The following PTPRJ variants were observed in gnomAD, a reference collection of about 807,000 sequenced individuals.
PTPRJ encodes the protein protein tyrosine phosphatase receptor type J.
In PTPRJ, 129 loss-of-function variants were observed where a neutral mutation model predicts 141.3. The ratio of observed to expected loss-of-function variants is 0.91; its 90% CI spans 0.79 to 1.06. The LOEUF (loss-of-function observed/expected upper bound fraction) is 1.06, where lower values mean the gene tolerates loss of function less well. PTPRJ is among the 50% of genes least tolerant of loss of function. PTPRJ has a pLI of 0.00. For missense variants in PTPRJ, 1,601 were observed against 1,679.7 expected (o/e 0.95, Z 0.82); for synonymous variants, 610 against 640.5 (o/e 0.95, Z 0.72).
chr11:48,117,135 A>G (rs80343754), intron 3 of PTPRJ, among the ~76,000 whole-genome samples: 3,154 of 152,310 alleles, frequency 0.021, 112 homozygotes, highest in African/African-American at 0.072. Flanking sequence ...TAAAAGGGAC[A>G]TTTAAAAATT....
At position 48,130,498 on chromosome 11, in the gene PTPRJ, G is replaced by A; in HGVS notation, c.1397G>A (p.Ser466Asn). 5 of 1,613,634 alleles carry A rather than the reference G, an allele frequency of 3.1e-6. No homozygotes were observed. The highest frequency in any genetic ancestry group is 4.2e-6 in the Non-Finnish European group (5 of 1,179,738). The change falls in exon 8 of 25, where the codon AGC becomes AAC. Residue 466 changes from serine to asparagine, a missense_variant. By Grantham distance (46) the Ser-to-Asn change is conservative. Transcript: ENST00000418331. ...PVSDFRVTVV[S>N]TTEIGLAWSS... ...TCTGACTTCCGAGTGACAGTGGTCA[G>A]CACGACGGAGATCGGCTTAGCATGG... is the stretch of plus-strand genomic sequence containing the variant.
At chr11:48,114,380 G>T (rs1168811505) in intron 3 of PTPRJ, among the ~76,000 whole-genome samples, 2 of 134,906 alleles carry the variant, frequency 1.5e-5, no homozygotes, top group African/African-American at 2.9e-5. Flanking sequence ...AGAGGTTGCA[G>T]TGAGTGGAGA....
intron 6 of PTPRJ, among the ~76,000 whole-genome samples, chr11:48,126,939 A>G (rs1565316297): frequency 6.6e-6 from 1 of 152,190 alleles, no homozygotes; most frequent in East Asian, 1.9e-4. Flanking sequence ...GACACGACAG[A>G]AAGCCACCTC....
chr11:48,132,837 C>A, intron 8 of PTPRJ: 1 of 564,662 alleles, frequency 1.8e-6, no homozygotes, highest in Non-Finnish European at 2.2e-6. Flanking sequence ...AGAGGATCTG[C>A]TTCTGAAATA....
chr11:48,164,340 G>A, intron 23 of PTPRJ, 40 bp from the exon 24 acceptor site: 7 of 1,605,740 alleles, frequency 4.4e-6, no homozygotes, highest in Non-Finnish European at 6.0e-6. Flanking sequence ...TTGCAGTCGA[G>A]GGAACCCACT....
intron 18 of PTPRJ, among the ~76,000 whole-genome samples, chr11:48,152,503 T>C (rs1399630360): frequency 6.6e-6 from 1 of 152,240 alleles, no homozygotes; most frequent in Admixed American, 6.5e-5. Context: ...TTTGGTGTTT[T>C]AGACGTAAAG....
rs150621532 is a variant in PTPRJ at position 48,043,388 on chromosome 11, G to GT, written c.96+62387dup. Among the ~76,000 whole-genome samples, 1,235 of 152,070 alleles carry GT rather than the reference G, an allele frequency of 8.1e-3. 16 individuals carry two copies. Among genetic ancestry groups the GT allele is most frequent in the African/African-American group, 0.028 (1,155 of 41,482 alleles). On this transcript the variant is annotated intron_variant, in intron 1 of 24. Coordinates refer to ENST00000418331, the MANE Select transcript of PTPRJ (RefSeq NM_002843.4). ...GCCACATTTCCTGGCTTCTAGTTGG[G>GT]TTTTTTTGTTTCTGGAAGAACAGAA...
At chr11:47,987,641 C>T (rs1422987812) in intron 1 of PTPRJ, among the ~76,000 whole-genome samples, 1 of 152,228 alleles carries the variant, frequency 6.6e-6, no homozygotes, top group Non-Finnish European at 1.5e-5. Context: ...GAGGGACAGC[C>T]AGTCCCTAAG....
chr11:48,086,325 C>G (rs541683034), intron 1 of PTPRJ, among the ~76,000 whole-genome samples: 2 of 152,266 alleles, frequency 1.3e-5, no homozygotes, highest in African/African-American at 4.8e-5. Flanking sequence ...GCACACACCA[C>G]CATGCCTGGT....
intron 1 of PTPRJ, among the ~76,000 whole-genome samples, chr11:48,067,659 AAGG>A (rs1855121493): frequency 1.3e-5 from 2 of 152,216 alleles, no homozygotes; most frequent in Admixed American, 1.3e-4. Context: ...CCGAACAAGC[AAGG>A]AGAATAGAAG....
chr11:48,083,742 A>G (rs1043373155), intron 1 of PTPRJ, among the ~76,000 whole-genome samples: 1 of 152,248 alleles, frequency 6.6e-6, no homozygotes, highest in Admixed American at 6.5e-5. Flanking sequence ...GTGAGTACCC[A>G]GTAAATATTT....
At chr11:48,163,691 A>G in intron 23 of PTPRJ, 73 bp downstream of exon 23, 1 of 1,478,590 alleles carries the variant, frequency 6.8e-7, no homozygotes, top group East Asian at 2.3e-5. Context: ...TACAAAAGCA[A>G]AGCCTAAGAG....
At chr11:48,042,226 T>C (rs937460775) in intron 1 of PTPRJ, among the ~76,000 whole-genome samples, 9 of 152,110 alleles carry the variant, frequency 5.9e-5, no homozygotes, top group Admixed American at 3.3e-4. Context: ...TTCAGTGTCT[T>C]TTTGGTCATA....
intron 1 of PTPRJ, among the ~76,000 whole-genome samples, chr11:48,099,908 T>C (rs1856110234): frequency 6.6e-6 from 1 of 152,132 alleles, no homozygotes; most frequent in Admixed American, 6.5e-5. Context: ...AACTTTTAAT[T>C]GAAAGGGACT....
chr11:47,993,111 G>A (rs1382513228), intron 1 of PTPRJ, among the ~76,000 whole-genome samples: 3 of 152,136 alleles, frequency 2.0e-5, no homozygotes, highest in Admixed American at 2.0e-4. Context: ...CCAAATTGTC[G>A]AGAGGCACTT....
intron 1 of PTPRJ, among the ~76,000 whole-genome samples, chr11:47,991,247 G>A (rs571304143): frequency 6.6e-6 from 1 of 152,148 alleles, no homozygotes; most frequent in East Asian, 1.9e-4. Flanking sequence ...TCCTAGCCCC[G>A]AAGGAGCACA....
intron 21 of PTPRJ, among the ~76,000 whole-genome samples, chr11:48,156,816 A>G (rs566980858): frequency 2.0e-5 from 3 of 151,888 alleles, no homozygotes; most frequent in African/African-American, 7.2e-5. Context: ...CAAACTCCTG[A>G]CCTCAAGTGA....
Position 47,980,840 on chromosome 11 carries a change from G to T in PTPRJ, c.-73G>T. ...GAAGGAGACGGCAGGAGGCGGCGACGACGGTGCCCGGGCTCGGGCGCACGG... is the reference window on the plus strand; with the variant it reads ...GAAGGAGACGGCAGGAGGCGGCGACTACGGTGCCCGGGCTCGGGCGCACGG... On this transcript the variant is annotated 5_prime_UTR_variant, in exon 1 of 25. Coordinates refer to ENST00000418331, the MANE Select transcript of PTPRJ (RefSeq NM_002843.4). 2 of 1,064,700 alleles carry T rather than the reference G, an allele frequency of 1.9e-6. No individual in the cohort carries two copies. Among genetic ancestry groups the T allele is most frequent in the South Asian group, 8.9e-5 (2 of 22,542 alleles). The allele number at this position is 1,064,700 out of a possible 1,614,324, so 66.0% of individuals were successfully genotyped here.
At chr11:48,017,701 T>C (rs941128907) in intron 1 of PTPRJ, among the ~76,000 whole-genome samples, 2 of 152,170 alleles carry the variant, frequency 1.3e-5, no homozygotes, top group Non-Finnish European at 2.9e-5. Flanking sequence ...GCACCGTGTT[T>C]GTGGAAGTGC....
Sources: gnomAD v4.1 joint callset for allele counts (sites outside exome capture counted in the v4.1 genomes callset) on GRCh38, gnomAD v4.1.1 for gene constraint, MANE v1.5 for transcripts, NCBI Gene and HGNC (gene_info 2026-07-23, HGNC 2026-07-21) for gene names.